The following LMBR1 variants were observed in gnomAD, a reference collection of about 807,000 sequenced individuals.
LMBR1 encodes limb development membrane protein 1, also known as limb region 1 protein homolog.
Under a neutral mutation model 73.9 loss-of-function variants are expected in LMBR1, and 52 were observed. The ratio of observed to expected loss-of-function variants is 0.70; its 90% confidence interval spans 0.56 to 0.89. The LOEUF is 0.89. Among genes scored for constraint, LMBR1 ranks in the 40% least tolerant of loss-of-function variants. The pLI, the probability that LMBR1 is intolerant of heterozygous loss-of-function variation, is 0.00. For missense variants in LMBR1, 539 were observed against 579.8 expected, an observed-to-expected ratio of 0.93 and a Z score of 0.72; for synonymous variants, 215 against 209.4, an observed-to-expected ratio of 1.03 and a Z score of -0.23.
At chr7:156,728,534 T>G in intron 11 of LMBR1, 110 bp downstream of exon 11, 1 of 722,532 alleles carries the variant, frequency 1.4e-6, no homozygotes, top group Non-Finnish European at 2.3e-6. Flanking sequence ...ATCCTGTTGA[T>G]AGAAAACTAG....
At chr7:156,844,802 A>C (rs1225758091) in intron 1 of LMBR1, among the ~76,000 whole-genome samples, 1 of 152,180 alleles carries the variant, frequency 6.6e-6, no homozygotes, top group Non-Finnish European at 1.5e-5. Context: ...CCCTGGAAGA[A>C]GGAGGCAGCA....
chr7:156,868,051 A>T (rs1798721571), intron 1 of LMBR1, among the ~76,000 whole-genome samples: 1 of 152,200 alleles, frequency 6.6e-6, no homozygotes, highest in Non-Finnish European at 1.5e-5. Flanking sequence ...TAAAAATAAA[A>T]GTTTTAAAAA....
intron 1 of LMBR1, among the ~76,000 whole-genome samples, chr7:156,892,251 C>T (rs936616691): frequency 3.4e-4 from 52 of 152,354 alleles, no homozygotes; most frequent in Middle Eastern, 3.4e-3. Flanking sequence ...TATTCTCATC[C>T]CAAACGGTAA....
intron 4 of LMBR1, among the ~76,000 whole-genome samples, chr7:156,810,845 G>A (rs113629241): frequency 0.032 from 4,835 of 151,600 alleles, 124 homozygotes; most frequent in South Asian, 0.085. Flanking sequence ...GTGTTGCTCT[G>A]TCACCCAGGC....
At chr7:156,713,702 C>A (rs1367911704) in intron 15 of LMBR1, among the ~76,000 whole-genome samples, 1 of 152,086 alleles carries the variant, frequency 6.6e-6, no homozygotes, top group Non-Finnish European at 1.5e-5. Context: ...GGTGGTCCTA[C>A]AGGTGTTTGT....
chr7:156,826,882 G>A, intron 3 of LMBR1, 138 bp from the exon 4 acceptor site: 1 of 754,312 alleles, frequency 1.3e-6, no homozygotes, highest in Non-Finnish European at 2.0e-6. Context: ...TATGTAGTTG[G>A]GAGACAAATG....
At chr7:156,849,889 G>T (rs965956090) in intron 1 of LMBR1, among the ~76,000 whole-genome samples, 1 of 152,130 alleles carries the variant, frequency 6.6e-6, no homozygotes, top group Non-Finnish European at 1.5e-5. Context: ...CCACTCTGGT[G>T]GGGGATGCTG....
chr7:156,808,082 T>A (rs904829073), intron 4 of LMBR1, among the ~76,000 whole-genome samples: 1 of 152,154 alleles, frequency 6.6e-6, no homozygotes, highest in Non-Finnish European at 1.5e-5. Context: ...GAAAAGAATA[T>A]GTATTCTATT....
intron 4 of LMBR1, 21 bp downstream of exon 4, chr7:156,826,579 GATTAT>G: frequency 7.5e-7 from 1 of 1,325,360 alleles, no homozygotes; most frequent in African/African-American, 1.5e-5. Context: ...TATTAATTGT[GATTAT>G]ATTAAGCAAT....
At chr7:156,806,841 AC>A (rs1832220821) in intron 4 of LMBR1, among the ~76,000 whole-genome samples, 1 of 151,828 alleles carries the variant, frequency 6.6e-6, no homozygotes, top group Non-Finnish European at 1.5e-5. Context: ...CGAACTCCTG[AC>A]CTCAGGTGAT....
intron 1 of LMBR1, among the ~76,000 whole-genome samples, chr7:156,881,906 G>C (rs1170502683): frequency 6.6e-6 from 1 of 151,852 alleles, no homozygotes; most frequent in Non-Finnish European, 1.5e-5. Flanking sequence ...AGCTGCTATG[G>C]AAAATATGTG....
downstream of LMBR1, chr7:156,676,625 C>T (rs1254304032): frequency 1.9e-6 from 3 of 1,613,864 alleles, no homozygotes; most frequent in Non-Finnish European, 1.7e-6. Flanking sequence ...TCTGCCGCTC[C>T]TGCTACCAGA....
At chr7:156,692,395 G>A (rs1158538076) in intron 15 of LMBR1, among the ~76,000 whole-genome samples, 2 of 152,110 alleles carry the variant, frequency 1.3e-5, no homozygotes, top group African/African-American at 4.8e-5. Context: ...CTTTTCACCA[G>A]TCTTACTGTG....
chr7:156,878,200 C>G (rs1016389888), intron 1 of LMBR1, among the ~76,000 whole-genome samples: 1 of 152,120 alleles, frequency 6.6e-6, no homozygotes, highest in Non-Finnish European at 1.5e-5. Context: ...AAGTCCTAGC[C>G]ACAGCAATCA....
intron 1 of LMBR1, among the ~76,000 whole-genome samples, chr7:156,843,963 T>C (rs779595797): frequency 6.6e-6 from 1 of 151,634 alleles, no homozygotes; most frequent in Admixed American, 6.6e-5. Context: ...TGGAAAATAA[T>C]ACATTTAAGA....
chr7:156,864,293 G>C (rs1798144920), intron 1 of LMBR1, among the ~76,000 whole-genome samples: 1 of 152,198 alleles, frequency 6.6e-6, no homozygotes, highest in East Asian at 1.9e-4. Flanking sequence ...ATTAGAACCA[G>C]TTGTAATAAT....
intron 4 of LMBR1, among the ~76,000 whole-genome samples, chr7:156,803,805 A>AT (rs1831471253): frequency 6.6e-6 from 1 of 151,964 alleles, no homozygotes; most frequent in Non-Finnish European, 1.5e-5. Flanking sequence ...ATGGAATACT[A>AT]TGCAGCCATA....
intron 5 of LMBR1, among the ~76,000 whole-genome samples, chr7:156,769,537 C>G (rs568469344): frequency 1.3e-5 from 2 of 152,274 alleles, no homozygotes; most frequent in East Asian, 3.9e-4. Flanking sequence ...TTCTCTGCAC[C>G]ATCCAATCTC....
intron 1 of LMBR1, among the ~76,000 whole-genome samples, chr7:156,884,762 G>T (rs977695558): frequency 1.3e-5 from 2 of 152,120 alleles, no homozygotes; most frequent in Admixed American, 1.3e-4. Flanking sequence ...CAATGACAAA[G>T]GTCAGAAGAC....
Sources: gnomAD v4.1 joint callset for allele counts (sites outside exome capture counted in the v4.1 genomes callset) on GRCh38, gnomAD v4.1.1 for gene constraint, MANE v1.5 for transcripts, NCBI Gene and HGNC (gene_info 2026-07-23, HGNC 2026-07-21) for gene names.